LTBP2: variants seen among roughly 807,000 people sequenced by gnomAD.
The protein encoded by LTBP2 is latent-transforming growth factor beta-binding protein 2.
A neutral mutation model predicts 210.6 loss-of-function variants in LTBP2; 103 were observed. That is an observed-to-expected ratio of 0.49 (90% CI 0.42 to 0.58). The LOEUF (loss-of-function observed/expected upper bound fraction) is 0.58, where lower values mean the gene tolerates loss of function less well. Ranked by LOEUF, LTBP2 falls within the 20% of genes least tolerant of loss-of-function variation. The pLI, the probability that LTBP2 is intolerant of heterozygous loss-of-function variation, is 0.00. For synonymous variants in LTBP2, 1,007 were observed against 1,015.0 expected (o/e 0.99, Z 0.15); for missense variants, 2,313 against 2,494.5 (o/e 0.93, Z 1.55).
At chr14:74,598,330 C>T (rs543729725) in intron 2 of LTBP2, among the ~76,000 whole-genome samples, 3 of 152,340 alleles carry the variant, frequency 2.0e-5, no homozygotes, top group South Asian at 2.1e-4. Context: ...CCACGTGATA[C>T]ACGCAGAGAA....
At chr14:74,503,695 G>A (rs191106244) in intron 31 of LTBP2, 89 bp from the exon 32 acceptor site, 3 of 1,556,440 alleles carry the variant, frequency 1.9e-6, no homozygotes, top group Admixed American at 1.8e-5. Flanking sequence ...CACTGATAAT[G>A]AAGAGTTAGT....
intron 3 of LTBP2, among the ~76,000 whole-genome samples, chr14:74,570,122 G>A (rs1203815596): frequency 6.6e-6 from 1 of 152,064 alleles, no homozygotes; most frequent in Non-Finnish European, 1.5e-5. Context: ...GGAAGGGGAG[G>A]AGAGACACCT....
chr14:74,548,804 A>G (rs1344045254), intron 8 of LTBP2, among the ~76,000 whole-genome samples: 2 of 152,130 alleles, frequency 1.3e-5, no homozygotes, highest in African/African-American at 2.4e-5. Flanking sequence ...CACTATTACT[A>G]TCTCCATTTT....
chr14:74,596,712 T>G (rs2088370224), intron 2 of LTBP2, among the ~76,000 whole-genome samples: 1 of 152,078 alleles, frequency 6.6e-6, no homozygotes, highest in African/African-American at 2.4e-5. Flanking sequence ...CAGGGCTTGG[T>G]AATGGGTTGA....
At chr14:74,561,182 G>A (rs2087788908) in intron 3 of LTBP2, among the ~76,000 whole-genome samples, 1 of 152,100 alleles carries the variant, frequency 6.6e-6, no homozygotes, top group Non-Finnish European at 1.5e-5. Context: ...GCCGGGCGTG[G>A]TGGTGGGCAC....
At chr14:74,535,079 G>A in intron 9 of LTBP2, among the ~76,000 whole-genome samples, 1 of 152,040 alleles carries the variant, frequency 6.6e-6, no homozygotes, top group East Asian at 1.9e-4. Context: ...TCAAACCACT[G>A]GCTCCTGAGG....
chr14:74,577,906 G>A (rs954541344), intron 3 of LTBP2, among the ~76,000 whole-genome samples: 13 of 152,194 alleles, frequency 8.5e-5, no homozygotes, highest in African/African-American at 3.1e-4. Flanking sequence ...CAAGGTCTCC[G>A]AGCACACGTT....
chr14:74,507,373 A>G, intron 25 of LTBP2, 63 bp from the exon 26 acceptor site: 2 of 1,608,234 alleles, frequency 1.2e-6, no homozygotes, highest in Non-Finnish European at 1.7e-6. Context: ...GTGGTCCCAC[A>G]GGGTCATGCC....
At chr14:74,522,396 C>G (rs1464185011) in intron 16 of LTBP2, among the ~76,000 whole-genome samples, 1 of 152,176 alleles carries the variant, frequency 6.6e-6, no homozygotes, top group African/African-American at 2.4e-5. Flanking sequence ...GATGATTTAT[C>G]TTAGCCTCAG....
At chr14:74,519,742 CA>C (rs2087178687) in intron 17 of LTBP2, among the ~76,000 whole-genome samples, 1 of 152,176 alleles carries the variant, frequency 6.6e-6, no homozygotes, top group Non-Finnish European at 1.5e-5. Context: ...ACATCTTGGA[CA>C]CCCAGGCTGG....
intron 10 of LTBP2, among the ~76,000 whole-genome samples, chr14:74,532,088 A>G (rs1337577518): frequency 6.6e-6 from 1 of 152,092 alleles, no homozygotes; most frequent in Non-Finnish European, 1.5e-5. Flanking sequence ...GGCCACCCCC[A>G]CCACCTCCCG....
intron 27 of LTBP2, 114 bp downstream of exon 27, chr14:74,506,584 G>T (rs2086988064): frequency 2.0e-6 from 3 of 1,512,576 alleles, no homozygotes; most frequent in African/African-American, 1.4e-5. Context: ...AGCCTCCCTT[G>T]CCCATGCTCT....
Position 74,585,858 on chromosome 14 carries a change from C to G in LTBP2, c.826G>C (p.Ala276Pro). 1.9e-6 allele frequency: 3 copies of G among 1,614,004 alleles called. No individual in the cohort carries two copies. Among genetic ancestry groups the G allele is most frequent in the Non-Finnish European group, 2.5e-6 (3 of 1,179,884 alleles). The change falls in exon 3 of 36, where the codon GCT becomes CCT. Residue 276 changes from alanine to proline, a missense_variant. Physicochemically the swap from Ala to Pro is conservative, Grantham distance 27. Around this residue, in one of 3 missense-constraint regions of LTBP2, gnomAD observed 1,867 missense variants for 1,976.9 expected, o/e 0.94. Transcript: ENST00000261978. ...CCCATGGAGAAGGGGACTTACCCAG[C>G]TGGTGGCGACTGTGGTGCGGGCGGC... ...QSPPAPQSPP[A>P]GTLSGLSQTH...
At chr14:74,567,365 G>A (rs957794501) in intron 3 of LTBP2, among the ~76,000 whole-genome samples, 11 of 152,178 alleles carry the variant, frequency 7.2e-5, no homozygotes, top group African/African-American at 1.2e-4. Flanking sequence ...GATCCTGCGC[G>A]GCCTTTGTTC....
chr14:74,611,226 G>A (rs925685973), intron 1 of LTBP2, among the ~76,000 whole-genome samples: 2 of 152,240 alleles, frequency 1.3e-5, no homozygotes, highest in Admixed American at 6.5e-5. Context: ...CTCCGGGAGA[G>A]TTGGTAAGAA....
At chr14:74,539,598 C>G (rs546993998) in intron 8 of LTBP2, among the ~76,000 whole-genome samples, 1 of 152,128 alleles carries the variant, frequency 6.6e-6, no homozygotes, top group South Asian at 2.1e-4. Context: ...CCCAGCTACT[C>G]TGGGGGCTGA....
chr14:74,558,068 G>A (rs1430522842), intron 3 of LTBP2, among the ~76,000 whole-genome samples: 1 of 152,214 alleles, frequency 6.6e-6, no homozygotes, highest in East Asian at 1.9e-4. Context: ...TTGGTGACCA[G>A]GCCATGAGCA....
chr14:74,565,833 C>T (rs2087895252), intron 3 of LTBP2, among the ~76,000 whole-genome samples: 4 of 152,192 alleles, frequency 2.6e-5, no homozygotes, highest in South Asian at 2.1e-4. Context: ...ACTCTGCCAA[C>T]GTTTTCCAAT....
chr14:74,540,210 T>C (rs977462089), intron 8 of LTBP2, among the ~76,000 whole-genome samples: 12 of 152,130 alleles, frequency 7.9e-5, no homozygotes. Context: ...TGGTGGCTCA[T>C]GCCTGTAATC....
Sources: allele counts gnomAD v4.1 joint callset (sites outside exome capture counted in the v4.1 genomes callset), GRCh38; gene constraint gnomAD v4.1.1; regional missense constraint gnomAD v4.1.1; transcripts MANE v1.5; gene names NCBI Gene and HGNC (gene_info 2026-07-23, HGNC 2026-07-21).